ABCC11: variants seen among roughly 807,000 people sequenced by gnomAD.
The protein encoded by ABCC11 is ATP-binding cassette sub-family C member 11.
A neutral mutation model predicts 149.3 loss-of-function variants in ABCC11; 135 were observed. The ratio of observed to expected loss-of-function variants is 0.90; its 90% CI spans 0.79 to 1.04. ABCC11 has a LOEUF of 1.04. Among genes scored for constraint, ABCC11 ranks in the 50% least tolerant of loss-of-function variants. The probability of loss-of-function intolerance (pLI) is 0.00; values close to 1 mark genes in which losing one functional copy is unlikely to be tolerated. For synonymous variants in ABCC11, 665 were observed against 671.4 expected (o/e 0.99, Z 0.15); for missense variants, 1,680 against 1,722.1 (o/e 0.98, Z 0.43).
chr16:48,167,426 G>A, intron 29 of ABCC11, 60 bp from the exon 30 acceptor site: 7 of 1,597,986 alleles, frequency 4.4e-6, no homozygotes, highest in Admixed American at 1.7e-5. Context: ...TGTCCTTGGA[G>A]GACTCAAAGG....
chr16:48,218,749 C>T (rs957497722), intron 6 of ABCC11, among the ~76,000 whole-genome samples: 6 of 152,160 alleles, frequency 3.9e-5, no homozygotes, highest in Non-Finnish European at 8.8e-5. Context: ...CCCTTGTCTG[C>T]CACCATGTAA....
At chr16:48,235,605 ACCAGGGGAATTC>A (rs1970649148) in intron 1 of ABCC11, among the ~76,000 whole-genome samples, 1 of 152,206 alleles carries the variant, frequency 6.6e-6, no homozygotes, top group African/African-American at 2.4e-5. Flanking sequence ...TCCTGGACTG[ACCAGGGGAATTC>A]CCTCCAGAAC....
chr16:48,192,511 G>A lies in ABCC11; in HGVS notation c.2706+9C>T. 1 of 1,614,014 alleles carries A rather than the reference G, an allele frequency of 6.2e-7. No homozygotes were observed. Among genetic ancestry groups the A allele is most frequent in the East Asian group, 2.2e-5 (1 of 44,894 alleles). Reference sequence around the variant, plus strand: ...AGCCTTCGGCCCCACCCAGCACCCAGGCCCATACCTTGTTGAAGAGCTTGT... The same window carrying A: ...AGCCTTCGGCCCCACCCAGCACCCAAGCCCATACCTTGTTGAAGAGCTTGT... On this transcript the variant is annotated intron_variant, in intron 20 of 29. Coordinates refer to ENST00000356608, the MANE Select transcript of ABCC11 (RefSeq NM_001370497.1).
chr16:48,226,656 A>T (rs1039975293), intron 4 of ABCC11, among the ~76,000 whole-genome samples: 2 of 152,218 alleles, frequency 1.3e-5, no homozygotes, highest in African/African-American at 4.8e-5. Context: ...TGAGATTCTG[A>T]CTAATATCTG....
intron 17 of ABCC11, among the ~76,000 whole-genome samples, chr16:48,197,387 C>T (rs1174936210): frequency 1.3e-5 from 2 of 152,130 alleles, no homozygotes; most frequent in Non-Finnish European, 2.9e-5. Flanking sequence ...GGGGGCTTCC[C>T]TATATATGAC....
intron 11 of ABCC11, chr16:48,210,668 C>T: frequency 2.4e-6 from 1 of 424,998 alleles, no homozygotes; most frequent in Admixed American, 3.7e-5. Context: ...TTCCCTTCTC[C>T]TTTCTGTGTC....
At chr16:48,228,337 T>A (rs1350949791) in intron 3 of ABCC11, among the ~76,000 whole-genome samples, 1 of 152,148 alleles carries the variant, frequency 6.6e-6, no homozygotes, top group Admixed American at 6.5e-5. Flanking sequence ...CTCATGCCTA[T>A]AATCCCAGCA....
rs1321150497 is a variant in ABCC11, at chr16:48,247,369, T to A, written c.-74A>T. 4.6e-5 allele frequency: 7 copies of A among 152,504 alleles called. No individual in the cohort carries two copies. The highest frequency in any genetic ancestry group is 1.7e-4 in the African/African-American group (7 of 41,494). The allele number at this position is 152,504 out of a possible 1,614,324, so 9.4% of individuals were successfully genotyped here. A position where few individuals can be genotyped will look rare whatever the true frequency, so the allele number is the denominator to read the frequency against. ...GAAGAGGGGCTCTGTTCCTTTCTCT[T>A]GTTTCCTTTGCGCTATCCAGGTGAC... On this transcript the variant is annotated 5_prime_UTR_variant, in exon 1 of 30. Transcript: ENST00000356608.
intron 23 of ABCC11, among the ~76,000 whole-genome samples, chr16:48,181,594 A>G (rs1365832241): frequency 6.6e-6 from 1 of 151,732 alleles, no homozygotes; most frequent in Non-Finnish European, 1.5e-5. Context: ...GAACCTGGGT[A>G]TTCCAAACCA....
At position 48,170,935 on chromosome 16, in the gene ABCC11, T is replaced by G; in HGVS notation, c.3731A>C (p.Asp1244Ala). Reference sequence around the variant, plus strand: ...CTCCAAGGCATCCCAGATCTGCTGGTCAGTGTGACGGTCAAAGGGATCTAG... The same window carrying G: ...CTCCAAGGCATCCCAGATCTGCTGGGCAGTGTGACGGTCAAAGGGATCTAG... The part of the protein sequence containing the change: ...FNLDPFDRHT[D>A]QQIWDALERT... The change falls in exon 27 of 30, where the codon GAC becomes GCC. Residue 1244 changes from aspartate to alanine, a missense_variant. Transcript: ENST00000356608. 6.2e-7 allele frequency: 1 copy of G among 1,614,052 alleles called. No homozygotes were observed. Among genetic ancestry groups the G allele is most frequent in the Non-Finnish European group, 8.5e-7 (1 of 1,179,902 alleles).
At chr16:48,192,939 G>C (rs1467863451) in intron 19 of ABCC11, among the ~76,000 whole-genome samples, 1 of 152,204 alleles carries the variant, frequency 6.6e-6, no homozygotes, top group East Asian at 1.9e-4. Context: ...CACTGCAGCA[G>C]CTGGGCCCTT....
intron 4 of ABCC11, among the ~76,000 whole-genome samples, chr16:48,225,162 G>A (rs1467714560): frequency 2.0e-5 from 3 of 152,080 alleles, no homozygotes; most frequent in South Asian, 2.1e-4. Context: ...CCAGTGAGCC[G>A]AGATGGCGCC....
Position 48,211,099 on chromosome 16 carries a change from G to A in ABCC11, c.1457C>T (p.Thr486Ile). Residue 486 changes from threonine (T) to isoleucine (I), a missense_variant, in exon 11 of 30, where the codon ACC becomes ATC. By Grantham distance (89) the Thr-to-Ile change is moderately conservative. Coordinates refer to ENST00000356608, the MANE Select transcript of ABCC11 (RefSeq NM_001370497.1). ...TGCCCCATTGACGATCCCGGGACAG[G>A]TCTGTTGCCATGACAAGGTGGCCTC... ...FEEATLSWQQTCPGIVNGALE... is the reference protein window; with the variant it reads ...FEEATLSWQQICPGIVNGALE... 1 of 1,614,200 alleles carries A rather than the reference G, an allele frequency of 6.2e-7. No individual in the cohort carries two copies.
chr16:48,243,675 C>T (rs1485037810), intron 1 of ABCC11, among the ~76,000 whole-genome samples: 2 of 152,116 alleles, frequency 1.3e-5, no homozygotes, highest in Non-Finnish European at 2.9e-5. Flanking sequence ...TATATAGGAA[C>T]TCTGCTGTAG....
Position 48,184,439 on chromosome 16 carries a change from C to G in ABCC11, c.3258+1G>C. ...GGGCCCACACAGAGTCACCCCCTCA[C>G]CTGCAGCACGATGTTGACAGCCATG... On this transcript the variant is annotated splice_donor_variant, in intron 23 of 29. Coordinates refer to ENST00000356608, the MANE Select transcript of ABCC11 (RefSeq NM_001370497.1). LOFTEE classifies it high-confidence loss of function. The G allele has an allele frequency of 1.2e-6, 2 of 1,613,462 alleles. No individual in the cohort carries two copies. Among genetic ancestry groups the G allele is most frequent in the Non-Finnish European group, 1.7e-6 (2 of 1,179,604 alleles).
chr16:48,210,398 AT>A (rs1449349166), intron 11 of ABCC11: 2 of 152,502 alleles, frequency 1.3e-5, no homozygotes, highest in African/African-American at 2.4e-5. Context: ...GATATTATCT[AT>A]TTTTTAGACA....
chr16:48,223,699 T>A (rs1596821851), intron 5 of ABCC11: 1 of 152,498 alleles, frequency 6.6e-6, no homozygotes, highest in African/African-American at 2.4e-5. Flanking sequence ...TGACCCCAGC[T>A]GGCCAATCAG....
Position 48,222,703 on chromosome 16 carries a change from C to A in ABCC11, c.672G>T (p.Trp224Cys). Residue 224 changes from tryptophan to cysteine, a missense_variant, in exon 6 of 30, where the codon TGG becomes TGT. Trp to Cys is a radical substitution (Grantham distance 215). Coordinates refer to ENST00000356608, the MANE Select transcript of ABCC11 (RefSeq NM_001370497.1). ...TGATGGCTGTGCGTTGGTTGATGAT[C>A]CAACTGGAGGAGAAACTCAGAGACT... Reference protein sequence around the residue: ...CVKSLSFSSSWIINQRTAIRF... With the variant: ...CVKSLSFSSSCIINQRTAIRF... 6.2e-7 allele frequency: 1 copy of A among 1,614,140 alleles called. No individual in the cohort carries two copies. Among genetic ancestry groups the A allele is most frequent in the Non-Finnish European group, 8.5e-7 (1 of 1,180,032 alleles).
intron 1 of ABCC11, among the ~76,000 whole-genome samples, chr16:48,246,787 C>G (rs1157624334): frequency 6.6e-6 from 1 of 152,110 alleles, no homozygotes; most frequent in Admixed American, 6.5e-5. Context: ...GTTGCTTAGG[C>G]TGGTCTCAAA....
Sources: allele counts gnomAD v4.1 joint callset (sites outside exome capture counted in the v4.1 genomes callset), GRCh38; gene constraint gnomAD v4.1.1; transcripts MANE v1.5; gene names NCBI Gene and HGNC (gene_info 2026-07-23, HGNC 2026-07-21).